Variants in JAK2 observed in about 807,000 individuals in gnomAD.
The protein encoded by JAK2 is tyrosine-protein kinase JAK2.
A neutral mutation model predicts 139.3 loss-of-function variants in JAK2; 86 were observed. The ratio of observed to expected loss-of-function variants is 0.62; its 90% CI spans 0.52 to 0.74. The LOEUF (loss-of-function observed/expected upper bound fraction) is 0.74. Ranked by LOEUF, JAK2 falls within the 30% of genes least tolerant of loss-of-function variation. JAK2 has a pLI of 0.00. For missense variants in JAK2, 1,421 were observed against 1,360.3 expected (o/e 1.04, Z -0.70); for synonymous variants, 490 against 437.7 (o/e 1.12, Z -1.49).
chr9:5,102,998 A>G (rs1821633569), intron 22 of JAK2, among the ~76,000 whole-genome samples: 1 of 152,122 alleles, frequency 6.6e-6, no homozygotes, highest in South Asian at 2.1e-4. Flanking sequence ...AACGGGCAAA[A>G]TAACCAGCTA....
intron 22 of JAK2, among the ~76,000 whole-genome samples, chr9:5,117,813 A>G (rs1437852463): frequency 6.6e-6 from 1 of 152,202 alleles, no homozygotes; most frequent in Non-Finnish European, 1.5e-5. Flanking sequence ...AAAAGCTTTG[A>G]GAACTACTGA....
intron 22 of JAK2, chr9:5,110,182 C>T (rs1822335034): frequency 6.6e-6 from 1 of 152,156 alleles, no homozygotes; most frequent in Non-Finnish European, 1.5e-5. Flanking sequence ...ATAGAAGGCC[C>T]AACCCCAGCC....
At chr9:5,116,768 T>C (rs1045007273) in intron 22 of JAK2, among the ~76,000 whole-genome samples, 1 of 152,202 alleles carries the variant, frequency 6.6e-6, no homozygotes, top group African/African-American at 2.4e-5. Context: ...AAGTTTGACG[T>C]GATAGGCAAA....
chr9:5,071,751 A>G (rs1339504554), intron 12 of JAK2, among the ~76,000 whole-genome samples: 1 of 152,336 alleles, frequency 6.6e-6, no homozygotes, highest in East Asian at 1.9e-4. Flanking sequence ...AAAGACAAGC[A>G]TCTTCATGTG....
intron 8 of JAK2, among the ~76,000 whole-genome samples, chr9:5,063,204 T>C (rs1323235066): frequency 2.0e-5 from 3 of 152,204 alleles, no homozygotes; most frequent in Admixed American, 1.3e-4. Flanking sequence ...TTTTCGTTCT[T>C]ATATAACTTT....
At chr9:5,064,207 T>G (rs1337077265) in intron 8 of JAK2, among the ~76,000 whole-genome samples, 1 of 151,644 alleles carries the variant, frequency 6.6e-6, no homozygotes, top group Admixed American at 6.6e-5. Context: ...AACATTTTAG[T>G]TTGTAGCATG....
intron 14 of JAK2, among the ~76,000 whole-genome samples, chr9:5,074,753 A>G (rs985355563): frequency 1.3e-5 from 2 of 152,230 alleles, no homozygotes; most frequent in African/African-American, 4.8e-5. Context: ...TTAAATGGAA[A>G]GCTAGAAATG....
chr9:5,057,135 A>C (rs1270629448), intron 8 of JAK2, among the ~76,000 whole-genome samples: 1 of 152,000 alleles, frequency 6.6e-6, no homozygotes, highest in Non-Finnish European at 1.5e-5. Flanking sequence ...TTTTTCAGTA[A>C]TTCTTGATCA....
intron 4 of JAK2, among the ~76,000 whole-genome samples, chr9:5,042,428 C>T (rs768379001): frequency 6.6e-6 from 1 of 152,172 alleles, no homozygotes; most frequent in Non-Finnish European, 1.5e-5. Flanking sequence ...TGAGCCACCG[C>T]GCCCGGCCAA....
chr9:5,057,816 C>T (rs574917445), intron 8 of JAK2, among the ~76,000 whole-genome samples: 5 of 152,050 alleles, frequency 3.3e-5, no homozygotes, highest in African/African-American at 1.2e-4. Flanking sequence ...GTCCTGACCT[C>T]ATGATCCGCC....
At chr9:5,057,850 G>T (rs921227023) in intron 8 of JAK2, among the ~76,000 whole-genome samples, 1 of 151,876 alleles carries the variant, frequency 6.6e-6, no homozygotes, top group Non-Finnish European at 1.5e-5. Flanking sequence ...CAAAGTGCTG[G>T]GATTACAGGT....
chr9:5,023,776 G>A (rs1369432784), intron 3 of JAK2, among the ~76,000 whole-genome samples: 2 of 152,120 alleles, frequency 1.3e-5, no homozygotes, highest in Non-Finnish European at 2.9e-5. Context: ...GTGGGGAAGT[G>A]GATATGAGAG....
chr9:5,114,217 T>C, intron 22 of JAK2: 1 of 513,186 alleles, frequency 1.9e-6, no homozygotes, highest in Non-Finnish European at 3.8e-6. Flanking sequence ...TCCAGCCCCT[T>C]CTACCTGTTC....
chr9:5,055,519 A>T, intron 7 of JAK2, 150 bp from the exon 8 acceptor site: 3 of 550,576 alleles, frequency 5.4e-6, no homozygotes. Flanking sequence ...GGTTAGATTG[A>T]TAGAGTAAAT....
chr9:5,073,683 T>G lies in JAK2; in HGVS notation c.1777-15T>G, dbSNP rs2130555307. On this transcript the variant is annotated splice_polypyrimidine_tract_variant and intron_variant, in intron 13 of 24. Transcript: ENST00000381652. ...CAGTCAAACAACAATTCTTTGTACT[T>G]TTTTTTTTCCTTAGTCTTTCTTTGA... 6.3e-7 allele frequency: 1 copy of G among 1,585,014 alleles called. No homozygotes were observed. Among genetic ancestry groups the G allele is most frequent in the Non-Finnish European group, 8.6e-7 (1 of 1,159,762 alleles).
intron 19 of JAK2, among the ~76,000 whole-genome samples, chr9:5,087,415 G>A (rs1586765834): frequency 6.6e-6 from 1 of 152,060 alleles, no homozygotes; most frequent in African/African-American, 2.4e-5. Flanking sequence ...TGACATGTGG[G>A]GATTATGGGG....
At position 5,081,628 on chromosome 9, in the gene JAK2, T is replaced by A. The variant is rs1586755030; in HGVS notation, c.2435-97T>A. Reference sequence around the variant, plus strand: ...GTTTCCCTGTATCATTTAGTATTTTTAACTCACGATTATTTTGGTCAACTT... The same window carrying A: ...GTTTCCCTGTATCATTTAGTATTTTAAACTCACGATTATTTTGGTCAACTT... On this transcript the variant is annotated intron_variant, in intron 18 of 24. Coordinates refer to ENST00000381652, the MANE Select transcript of JAK2 (RefSeq NM_004972.4). 3.8e-6 allele frequency: 3 copies of A among 784,714 alleles called. No homozygotes were observed. In the East Asian group the frequency reaches 7.7e-5, roughly 20 times the overall value. 48.6% of individuals were successfully genotyped at this position (784,714 alleles called of 1,614,324 possible). A position where few individuals can be genotyped will look rare whatever the true frequency, so the allele number is the denominator to read the frequency against.
intron 2 of JAK2, among the ~76,000 whole-genome samples, chr9:4,989,906 C>G (rs982558917): frequency 6.6e-6 from 1 of 152,140 alleles, no homozygotes; most frequent in Admixed American, 6.5e-5. Flanking sequence ...GAAGAATGTA[C>G]TTTGACCTGT....
At chr9:5,003,973 G>T (rs10115312) in intron 2 of JAK2, among the ~76,000 whole-genome samples, 98,016 of 151,886 alleles carry the variant, frequency 0.65, 33,502 homozygotes, top group African/African-American at 0.89. Flanking sequence ...TTCTCATTGT[G>T]CTAATAATGT....
Sources: allele counts gnomAD v4.1 joint callset (sites outside exome capture counted in the v4.1 genomes callset), GRCh38; gene constraint gnomAD v4.1.1; transcripts MANE v1.5; gene names NCBI Gene and HGNC (gene_info 2026-07-23, HGNC 2026-07-21).